The following ASB4 variants were observed in gnomAD, a reference collection of about 807,000 sequenced individuals.
The protein encoded by ASB4 is ankyrin repeat and SOCS box protein 4.
In ASB4, 35 loss-of-function variants were observed where a neutral mutation model predicts 38.6. The observed-to-expected ratio is 0.91, with a 90% CI of 0.69 to 1.20. The LOEUF is 1.20. Ranked by LOEUF, ASB4 falls within the 50% of genes most tolerant of loss-of-function variation. The pLI, the probability that ASB4 is intolerant of heterozygous loss-of-function variation, is 0.00. For missense variants in ASB4, 557 were observed against 527.2 expected, an observed-to-expected ratio of 1.06 and a Z score of -0.55; for synonymous variants, 195 against 201.3, an observed-to-expected ratio of 0.97 and a Z score of 0.26.
the ASB4 span, among the ~76,000 whole-genome samples, chr7:95,471,551 G>T: frequency 0.013 from 2,002 of 152,220 alleles, 59 homozygotes; most frequent in Admixed American, 0.055. Flanking sequence ...AGAGTTGAAG[G>T]CTCTTCCAAC....
At chr7:95,541,929 T>C (rs989051999), downstream of ASB4, among the ~76,000 whole-genome samples, 1 of 152,166 alleles carries the variant, frequency 6.6e-6, no homozygotes, top group African/African-American at 2.4e-5. Context: ...TAGCTGGGTA[T>C]GGTGGCACAT....
Position 95,524,394 on chromosome 7 carries a change from T to G in ASB4, c.488-3419T>G, listed in dbSNP as rs548373065. 9.5e-4 allele frequency among the ~76,000 whole-genome samples: 145 copies of G among 152,322 alleles called. 1 individual carries two copies. Among genetic ancestry groups the G allele is most frequent in the Non-Finnish European group, 2.9e-5 (2 of 68,034 alleles). On this transcript the variant is annotated intron_variant, in intron 2 of 4. Coordinates refer to ENST00000325885, the MANE Select transcript of ASB4 (RefSeq NM_016116.3). ...AAAGAATTTGTGTTTATGATTCCAT[T>G]TATTCAAAGTTCAAAAATTGGAAAA...
At chr7:95,540,579 A>G (rs747301513), downstream of ASB4, among the ~76,000 whole-genome samples, 1 of 152,204 alleles carries the variant, frequency 6.6e-6, no homozygotes, top group Non-Finnish European at 1.5e-5. Context: ...GGGCAAAGCA[A>G]CAGAGGAAAT....
chr7:95,515,163 CTTTCTCTTTCTTTCTTTCTT>C (rs1257607311), intron 2 of ASB4, among the ~76,000 whole-genome samples: 13 of 129,836 alleles, frequency 1.0e-4, no homozygotes, highest in South Asian at 2.6e-4. Context: ...CTTTCTTTCT[CTTTCTCTTTCTTTCTTTCTT>C]TCTTTCTTTC....
intron 3 of ASB4, among the ~76,000 whole-genome samples, chr7:95,534,235 T>C (rs767418822): frequency 6.6e-6 from 1 of 151,984 alleles, no homozygotes; most frequent in Non-Finnish European, 1.5e-5. Context: ...TCCCAGCTAC[T>C]TGGGAGGTGA....
upstream of ASB4, among the ~76,000 whole-genome samples, chr7:95,477,894 CA>C (rs1789991864): frequency 6.6e-6 from 1 of 151,934 alleles, no homozygotes; most frequent in African/African-American, 2.4e-5. Context: ...TTCCTAACTG[CA>C]GCTTTGTCTG....
chr7:95,477,734 C>T (rs961531818), upstream of ASB4, among the ~76,000 whole-genome samples: 2 of 121,432 alleles, frequency 1.6e-5, no homozygotes, highest in East Asian at 2.0e-4. Flanking sequence ...TTAACAAGAA[C>T]CTTTTTTTTT....
At chr7:95,485,531 C>T (rs1168483254), upstream of ASB4, among the ~76,000 whole-genome samples, 3 of 152,224 alleles carry the variant, frequency 2.0e-5, no homozygotes, top group African/African-American at 7.2e-5. Flanking sequence ...CAAATGTATC[C>T]ACAACTGTAA....
downstream of ASB4, among the ~76,000 whole-genome samples, chr7:95,540,625 A>G (rs2116664872): frequency 6.6e-6 from 1 of 152,316 alleles, no homozygotes; most frequent in East Asian, 1.9e-4. Flanking sequence ...TTTCTTAGAA[A>G]ACTTTCTGTA....
chr7:95,549,552 C>T, the ASB4 span, among the ~76,000 whole-genome samples: 1 of 152,048 alleles, frequency 6.6e-6, no homozygotes, highest in Non-Finnish European at 1.5e-5. Flanking sequence ...CCGCCTTGGG[C>T]TCCCAAAGTG....
chr7:95,476,711 G>T (rs1353137743), upstream of ASB4, among the ~76,000 whole-genome samples: 1 of 152,184 alleles, frequency 6.6e-6, no homozygotes, highest in African/African-American at 2.4e-5. Flanking sequence ...CAGCCTAGGA[G>T]AAAAATTGTG....
At chr7:95,476,537 A>G (rs926768554), upstream of ASB4, among the ~76,000 whole-genome samples, 1 of 152,364 alleles carries the variant, frequency 6.6e-6, no homozygotes, top group East Asian at 1.9e-4. Context: ...AGCTACAGAC[A>G]CTAGAAAAGA....
chr7:95,485,854 A>C (rs1326094902), upstream of ASB4: 3 of 804,988 alleles, frequency 3.7e-6, no homozygotes, highest in Non-Finnish European at 5.8e-6. Flanking sequence ...AATAGAACGG[A>C]TCAGCATAAC....
intron 2 of ASB4, among the ~76,000 whole-genome samples, chr7:95,505,039 T>G (rs915610829): frequency 1.3e-5 from 2 of 152,230 alleles, no homozygotes; most frequent in African/African-American, 4.8e-5. Flanking sequence ...AAGCATCTCT[T>G]TAGAATCACG....
chr7:95,483,939 A>G (rs185223617), upstream of ASB4, among the ~76,000 whole-genome samples: 4 of 152,190 alleles, frequency 2.6e-5, no homozygotes, highest in African/African-American at 9.6e-5. Context: ...AAGTATTTCC[A>G]TATATGGCTC....
intron 2 of ASB4, among the ~76,000 whole-genome samples, chr7:95,526,057 T>C (rs979807230): frequency 6.6e-6 from 1 of 152,198 alleles, no homozygotes; most frequent in Non-Finnish European, 1.5e-5. Context: ...AAATGCAATG[T>C]TATCTTTCTA....
At chr7:95,537,348 T>G (rs1790901907) in intron 4 of ASB4, among the ~76,000 whole-genome samples, 2 of 152,208 alleles carry the variant, frequency 1.3e-5, no homozygotes, top group Admixed American at 1.3e-4. Flanking sequence ...TATTTTATCT[T>G]ATCTCCTGGG....
At chr7:95,519,471 G>A (rs1790630280) in intron 2 of ASB4, among the ~76,000 whole-genome samples, 1 of 152,200 alleles carries the variant, frequency 6.6e-6, no homozygotes, top group Non-Finnish European at 1.5e-5. Context: ...AAGAATGCAT[G>A]ACAAATGTGC....
chr7:95,486,036 T>C lies in ASB4; in HGVS notation c.65T>C (p.Leu22Pro), dbSNP rs1412028148. Residue 22 changes from leucine (L) to proline (P), a missense_variant, in exon 1 of 5, where the codon CTT becomes CCT. Leu to Pro is a moderately conservative substitution (Grantham distance 98, BLOSUM62 -3). Transcript: ENST00000325885. ...GAAKLVKRNF[L>P]EALKSNDFGK... ...GCCAAGTTAGTTAAGAGAAATTTCCTTGAGGCGCTAAAGTCCAATGACTTC... is the reference window on the plus strand; with the variant it reads ...GCCAAGTTAGTTAAGAGAAATTTCCCTGAGGCGCTAAAGTCCAATGACTTC... 6.2e-7 allele frequency: 1 copy of C among 1,614,162 alleles called. No homozygotes were observed. The highest frequency in any genetic ancestry group is 1.3e-5 in the African/African-American group (1 of 75,058).
Sources: gnomAD v4.1 joint callset for allele counts (sites outside exome capture counted in the v4.1 genomes callset) on GRCh38, gnomAD v4.1.1 for gene constraint, MANE v1.5 for transcripts, NCBI Gene and HGNC (gene_info 2026-07-23, HGNC 2026-07-21) for gene names.